GLG1: variants seen among roughly 807,000 people sequenced by gnomAD.
GLG1 encodes the protein Golgi apparatus protein 1.
Under a neutral mutation model 160.5 loss-of-function variants are expected in GLG1, and 38 were observed. The observed-to-expected ratio is 0.24, with a 90% CI of 0.18 to 0.31. The LOEUF (loss-of-function observed/expected upper bound fraction) is 0.31. GLG1 is among the 10% of genes least tolerant of loss of function. The pLI is 1.00. For missense variants in GLG1, 1,373 were observed against 1,505.2 expected, an observed-to-expected ratio of 0.91 and a Z score of 1.45; for synonymous variants, 644 against 543.4, an observed-to-expected ratio of 1.19 and a Z score of -2.57.
chr16:74,521,328 T>C (rs2017156479), intron 2 of GLG1, among the ~76,000 whole-genome samples: 1 of 152,084 alleles, frequency 6.6e-6, no homozygotes, highest in South Asian at 2.1e-4. Context: ...TGAACTAACA[T>C]GATAGAGGGA....
intron 1 of GLG1, among the ~76,000 whole-genome samples, chr16:74,580,679 A>C (rs1957918878): frequency 6.6e-6 from 1 of 152,222 alleles, no homozygotes; most frequent in Non-Finnish European, 1.5e-5. Flanking sequence ...AAAGTAAACT[A>C]CATCAAAGTT....
intron 1 of GLG1, chr16:74,552,779 T>C (rs562195478): frequency 1.1e-5 from 1 of 94,696 alleles, no homozygotes; most frequent in African/African-American, 4.3e-5. Flanking sequence ...TTGAATAAAC[T>C]TATAGACAGA....
At chr16:74,525,360 G>A (rs899054763) in intron 2 of GLG1, among the ~76,000 whole-genome samples, 6 of 152,300 alleles carry the variant, frequency 3.9e-5, no homozygotes, top group Non-Finnish European at 8.8e-5. Flanking sequence ...ATTGTGGTTA[G>A]GATACACATT....
In GLG1 at chr16:74,508,683, G is replaced by C. The variant is rs146248458; in HGVS notation, c.558+156C>G. Among the ~76,000 whole-genome samples, 341 of 152,242 alleles carry C rather than the reference G, an allele frequency of 2.2e-3. 2 individuals carry two copies. The highest frequency in any genetic ancestry group is 7.9e-3 in the African/African-American group (327 of 41,536). ...AAGCGTAGGTGGACATTAACAAAAA[G>C]AGTCTAATTACACCCCCCAACTTCC... On this transcript the variant is annotated intron_variant, in intron 3 of 25. Coordinates refer to ENST00000422840, the MANE Select transcript of GLG1 (RefSeq NM_001145667.2).
chr16:74,497,226 T>A lies in GLG1; in HGVS notation c.775-582A>T, dbSNP rs923250357. Among the ~76,000 whole-genome samples the A allele has an allele frequency of 5.3e-5, 8 of 150,752 alleles. No homozygotes were observed. In the East Asian group the frequency reaches 1.6e-3, roughly 31 times the overall value. Reference sequence around the variant, plus strand: ...ATCACTTGAACCCAGTAGGCGGAGGTTGCAGTGAGCCGAGATCGTGCCACT... The same window carrying A: ...ATCACTTGAACCCAGTAGGCGGAGGATGCAGTGAGCCGAGATCGTGCCACT... On this transcript the variant is annotated intron_variant, in intron 4 of 25. Coordinates refer to ENST00000422840, the MANE Select transcript of GLG1 (RefSeq NM_001145667.2).
At chr16:74,590,630 A>C (rs1291966108) in intron 1 of GLG1, among the ~76,000 whole-genome samples, 1 of 150,718 alleles carries the variant, frequency 6.6e-6, no homozygotes, top group Non-Finnish European at 1.5e-5. Context: ...CCAAAAAAAA[A>C]AAAAAAAAAA....
intron 1 of GLG1, among the ~76,000 whole-genome samples, chr16:74,547,524 CA>C (rs2018081916): frequency 6.6e-6 from 1 of 152,198 alleles, no homozygotes; most frequent in Non-Finnish European, 1.5e-5. Context: ...AGTGAGGAAA[CA>C]ACTCACAGGG....
At chr16:74,497,371 C>T (rs1156646188) in intron 4 of GLG1, among the ~76,000 whole-genome samples, 1 of 150,864 alleles carries the variant, frequency 6.6e-6, no homozygotes, top group African/African-American at 2.4e-5. Flanking sequence ...ACTGAAATTA[C>T]ACTGCTGAAA....
intron 1 of GLG1, among the ~76,000 whole-genome samples, chr16:74,548,075 G>A (rs184105797): frequency 3.3e-5 from 5 of 152,274 alleles, no homozygotes; most frequent in Admixed American, 2.0e-4. Flanking sequence ...GATAATAGGC[G>A]TGCGCCACCA....
chr16:74,593,429 G>A (rs1189485925), intron 1 of GLG1, among the ~76,000 whole-genome samples: 3 of 129,104 alleles, frequency 2.3e-5, no homozygotes, highest in Non-Finnish European at 4.7e-5. Flanking sequence ...AAGTACCAGA[G>A]CTTTTTTTTT....
chr16:74,544,184 A>G (rs1020684430), intron 1 of GLG1, among the ~76,000 whole-genome samples: 1 of 152,244 alleles, frequency 6.6e-6, no homozygotes, highest in African/African-American at 2.4e-5. Flanking sequence ...AGTACTTCTA[A>G]GCATTCATTA....
At chr16:74,505,275 A>T (rs1436996000) in intron 3 of GLG1, among the ~76,000 whole-genome samples, 1 of 152,254 alleles carries the variant, frequency 6.6e-6, no homozygotes, top group Non-Finnish European at 1.5e-5. Context: ...CTCAGTTCAG[A>T]AAAGAAAGTT....
intron 4 of GLG1, among the ~76,000 whole-genome samples, chr16:74,503,217 T>C (rs1435631083): frequency 4.0e-5 from 6 of 151,572 alleles, no homozygotes; most frequent in African/African-American, 1.5e-4. Flanking sequence ...AAAAAAAAAA[T>C]ATTAGAGAAC....
At chr16:74,456,515 T>C (rs767711741) in intron 25 of GLG1, 134 bp downstream of exon 25, 1 of 677,348 alleles carries the variant, frequency 1.5e-6, no homozygotes, top group South Asian at 1.6e-5. Flanking sequence ...ACAAGACCAG[T>C]GCGATATCTA....
intron 4 of GLG1, among the ~76,000 whole-genome samples, chr16:74,497,733 G>A (rs111875551): frequency 3.3e-5 from 5 of 152,214 alleles, no homozygotes; most frequent in African/African-American, 9.6e-5. Context: ...CACTGCGCCC[G>A]GCCAACAGTG....
At chr16:74,498,448 G>GTATATATATATATATATATATTATATATA (rs61033032) in intron 4 of GLG1, among the ~76,000 whole-genome samples, 2 of 24,054 alleles carry the variant, frequency 8.3e-5, no homozygotes, top group Admixed American at 6.8e-4. Context: ...AAAAAAAAAA[G>GTATATATATATATATATATATTATATATA]TATATATATA....
intron 1 of GLG1, among the ~76,000 whole-genome samples, chr16:74,576,027 C>G (rs1231304204): frequency 6.6e-6 from 1 of 152,024 alleles, no homozygotes; most frequent in Non-Finnish European, 1.5e-5. Context: ...TGGTGAAACC[C>G]TGTCTCTACT....
chr16:74,456,351 G>A (rs995913074), intron 25 of GLG1, among the ~76,000 whole-genome samples: 12 of 152,164 alleles, frequency 7.9e-5, no homozygotes, highest in African/African-American at 1.7e-4. Flanking sequence ...TAGTAGAGAC[G>A]GGGTTTCACC....
chr16:74,591,178 A>G (rs1374768427), intron 1 of GLG1, among the ~76,000 whole-genome samples: 1 of 151,828 alleles, frequency 6.6e-6, no homozygotes, highest in Non-Finnish European at 1.5e-5. Flanking sequence ...TAAAAATACA[A>G]AAATTAGCTG....
Sources: allele counts gnomAD v4.1 joint callset (sites outside exome capture counted in the v4.1 genomes callset), GRCh38; gene constraint gnomAD v4.1.1; transcripts MANE v1.5; gene names NCBI Gene and HGNC (gene_info 2026-07-23, HGNC 2026-07-21).